ZFPM2: variants seen among roughly 807,000 people sequenced by gnomAD.
The protein encoded by ZFPM2 is zinc finger protein ZFPM2.
A neutral mutation model predicts 98.6 loss-of-function variants in ZFPM2; 20 were observed. The ratio of observed to expected loss-of-function variants is 0.20; its 90% CI spans 0.14 to 0.29. The LOEUF (loss-of-function observed/expected upper bound fraction) is 0.29. Ranked by LOEUF, ZFPM2 falls within the 10% of genes least tolerant of loss-of-function variation. The pLI, the probability that ZFPM2 is intolerant of heterozygous loss-of-function variation, is 1.00. For missense variants in ZFPM2, 1,310 were observed against 1,388.6 expected (o/e 0.94, Z 0.90); for synonymous variants, 518 against 502.7 (o/e 1.03, Z -0.41).
intron 3 of ZFPM2, among the ~76,000 whole-genome samples, chr8:105,499,720 G>A (rs950981830): frequency 2.5e-4 from 38 of 151,946 alleles, no homozygotes; most frequent in African/African-American, 8.0e-4. Flanking sequence ...TAAATTTAAC[G>A]ATTATTTCCA....
At chr8:105,448,711 T>C (rs1812428336) in intron 3 of ZFPM2, among the ~76,000 whole-genome samples, 1 of 152,082 alleles carries the variant, frequency 6.6e-6, no homozygotes, top group African/African-American at 2.4e-5. Context: ...AGTTTCCTTA[T>C]CTTTAAAATG....
At chr8:105,719,246 A>C (rs1346316448) in intron 5 of ZFPM2, among the ~76,000 whole-genome samples, 5 of 151,930 alleles carry the variant, frequency 3.3e-5, no homozygotes, top group Admixed American at 3.3e-4. Context: ...GCTGGTAGTA[A>C]TTGAGATGCC....
chr8:105,347,317 A>G (rs1370376902), intron 1 of ZFPM2, among the ~76,000 whole-genome samples: 2 of 151,982 alleles, frequency 1.3e-5, no homozygotes, highest in African/African-American at 4.8e-5. Context: ...GTCAATAAAA[A>G]CCTTATTTTT....
At chr8:105,400,788 A>T (rs1811324707) in intron 1 of ZFPM2, among the ~76,000 whole-genome samples, 1 of 152,182 alleles carries the variant, frequency 6.6e-6, no homozygotes, top group Admixed American at 6.5e-5. Flanking sequence ...AATATAAATT[A>T]ATTAAAATTA....
chr8:105,574,745 C>T (rs1233948438), intron 4 of ZFPM2, among the ~76,000 whole-genome samples: 4 of 150,666 alleles, frequency 2.7e-5, no homozygotes, highest in African/African-American at 9.8e-5. Context: ...AGCATTACCC[C>T]GCAGACAGGA....
At chr8:105,609,576 A>C (rs1440585181) in intron 4 of ZFPM2, among the ~76,000 whole-genome samples, 1 of 152,202 alleles carries the variant, frequency 6.6e-6, no homozygotes. Flanking sequence ...CCAAAGTTAC[A>C]TGGAAATGTG....
At chr8:105,563,022 A>T (rs1388662226) in intron 4 of ZFPM2, among the ~76,000 whole-genome samples, 2 of 152,192 alleles carry the variant, frequency 1.3e-5, no homozygotes, top group Non-Finnish European at 2.9e-5. Context: ...GGATCCAGAA[A>T]TTTTATAAGT....
intron 5 of ZFPM2, among the ~76,000 whole-genome samples, chr8:105,669,539 TGTG>T (rs1563513799): frequency 1.8e-4 from 25 of 141,236 alleles, no homozygotes; most frequent in African/African-American, 4.7e-4. Context: ...AGTGTGCATG[TGTG>T]TGTGTGTGTG....
intron 3 of ZFPM2, among the ~76,000 whole-genome samples, chr8:105,506,920 G>A (rs1269727019): frequency 6.0e-5 from 9 of 150,468 alleles, no homozygotes; most frequent in East Asian, 3.9e-4. Flanking sequence ...CCCAGGAGGC[G>A]GAGCTTGCAG....
chr8:105,790,751 G>A (rs1264823528), intron 6 of ZFPM2, among the ~76,000 whole-genome samples: 1 of 152,072 alleles, frequency 6.6e-6, no homozygotes, highest in Non-Finnish European at 1.5e-5. Context: ...CCATTTGTTT[G>A]TATCCTCTTT....
In ZFPM2 at chr8:105,602,978, A is replaced by C. The variant is rs372955354; in HGVS notation, c.421-31268A>C. Among the ~76,000 whole-genome samples the C allele has an allele frequency of 1.5e-4, 23 of 152,226 alleles. No individual in the cohort carries two copies. In the East Asian group the frequency reaches 1.5e-3, roughly 10 times the overall value. The stretch of plus-strand genomic sequence containing the variant: ...TTGATAAATTATTTTTGAAAGCTTT[A>C]TTTTAACCTATGTAACAAACTAAAT... On this transcript the variant is annotated intron_variant, in intron 4 of 7. Coordinates refer to ENST00000407775, the MANE Select transcript of ZFPM2 (RefSeq NM_012082.4).
intron 1 of ZFPM2, among the ~76,000 whole-genome samples, chr8:105,330,585 T>C (rs1475750591): frequency 2.5e-4 from 13 of 52,406 alleles, no homozygotes; most frequent in African/African-American, 9.3e-4. Flanking sequence ...TATATACATA[T>C]ATATATATAC....
At chr8:105,656,355 G>T (rs1817285799) in intron 5 of ZFPM2, among the ~76,000 whole-genome samples, 1 of 152,122 alleles carries the variant, frequency 6.6e-6, no homozygotes, top group South Asian at 2.1e-4. Flanking sequence ...GTACATTTCT[G>T]ATCATTGAAT....
intron 5 of ZFPM2, among the ~76,000 whole-genome samples, chr8:105,728,909 T>G (rs1811869967): frequency 6.6e-6 from 1 of 151,684 alleles, no homozygotes; most frequent in Non-Finnish European, 1.5e-5. Flanking sequence ...CTAGATGCTT[T>G]CAGATACATC....
chr8:105,361,759 T>G (rs1252425575), intron 1 of ZFPM2, among the ~76,000 whole-genome samples: 1 of 152,232 alleles, frequency 6.6e-6, no homozygotes, highest in Non-Finnish European at 1.5e-5. Flanking sequence ...TACTACATCA[T>G]GATGTTTCAG....
At chr8:105,539,460 T>G (rs1312042169) in intron 3 of ZFPM2, among the ~76,000 whole-genome samples, 2 of 152,188 alleles carry the variant, frequency 1.3e-5, no homozygotes, top group Non-Finnish European at 2.9e-5. Context: ...ACTACAGGCA[T>G]TTTAATACAC....
intron 5 of ZFPM2, among the ~76,000 whole-genome samples, chr8:105,688,187 T>A (rs1810788002): frequency 6.6e-6 from 1 of 152,220 alleles, no homozygotes; most frequent in East Asian, 1.9e-4. Flanking sequence ...ATATGGCTAA[T>A]GGGAAAATTC....
At chr8:105,576,638 G>T (rs1276453435) in intron 4 of ZFPM2, among the ~76,000 whole-genome samples, 1 of 152,138 alleles carries the variant, frequency 6.6e-6, no homozygotes, top group African/African-American at 2.4e-5. Context: ...TTCTAAAAAA[G>T]CTTTGATAGG....
At chr8:105,635,156 T>C (rs1382376981) in intron 5 of ZFPM2, among the ~76,000 whole-genome samples, 1 of 152,174 alleles carries the variant, frequency 6.6e-6, no homozygotes, top group Non-Finnish European at 1.5e-5. Flanking sequence ...AACCTTGTGC[T>C]TCTCATGTTT....
Sources: allele counts gnomAD v4.1 joint callset (sites outside exome capture counted in the v4.1 genomes callset), GRCh38; gene constraint gnomAD v4.1.1; transcripts MANE v1.5; gene names NCBI Gene and HGNC (gene_info 2026-07-23, HGNC 2026-07-21).